Variants in DSCAM observed in about 807,000 individuals in gnomAD.
The protein encoded by DSCAM is DS cell adhesion molecule, also known as cell adhesion molecule DSCAM.
A neutral mutation model predicts 217.7 loss-of-function variants in DSCAM; 47 were observed. The ratio of observed to expected loss-of-function variants is 0.22; its 90% confidence interval spans 0.17 to 0.28. The LOEUF is 0.28. Among genes scored for constraint, DSCAM ranks in the 10% least tolerant of loss-of-function variants. DSCAM has a pLI of 1.00. For missense variants in DSCAM, 2,080 were observed against 2,618.3 expected, an observed-to-expected ratio of 0.79 and a Z score of 4.49; for synonymous variants, 1,056 against 1,015.3, an observed-to-expected ratio of 1.04 and a Z score of -0.76.
chr21:40,407,809 C>T (rs550986956), intron 3 of DSCAM, among the ~76,000 whole-genome samples: 1 of 152,328 alleles, frequency 6.6e-6, no homozygotes, highest in South Asian at 2.1e-4. Context: ...GCTCTGCTTC[C>T]TGTCCCAAAA....
chr21:40,643,438 C>A (rs796929335), intron 3 of DSCAM, among the ~76,000 whole-genome samples: 13 of 152,310 alleles, frequency 8.5e-5, no homozygotes, highest in African/African-American at 3.1e-4. Flanking sequence ...CTCAGGAGGA[C>A]TTCAGAGCCT....
At chr21:40,629,353 A>C (rs1448496398) in intron 3 of DSCAM, among the ~76,000 whole-genome samples, 2 of 152,202 alleles carry the variant, frequency 1.3e-5, no homozygotes, top group Non-Finnish European at 2.9e-5. Flanking sequence ...TTTGAGTCTC[A>C]TAAAAATGTG....
rs1271357295 is a variant in DSCAM, at chr21:40,039,253, A to C, written c.5686+3118T>G. Among the ~76,000 whole-genome samples the C allele has an allele frequency of 3.3e-5, 5 of 152,138 alleles. No individual in the cohort carries two copies. The East Asian group carries it at 9.6e-4, about 29-fold the overall frequency. Reference sequence around the variant, plus strand: ...ACGTGTCAGAAAAAAATACCAATGTAGGTTTTTGAATATGTGAAGGAAAAA... The same window carrying C: ...ACGTGTCAGAAAAAAATACCAATGTCGGTTTTTGAATATGTGAAGGAAAAA... On this transcript the variant is annotated intron_variant, in intron 32 of 32. Coordinates refer to ENST00000400454, the MANE Select transcript of DSCAM (RefSeq NM_001389.5).
chr21:40,030,653 T>C (rs906365189), intron 32 of DSCAM, among the ~76,000 whole-genome samples: 4 of 152,166 alleles, frequency 2.6e-5, no homozygotes, highest in African/African-American at 7.2e-5. Flanking sequence ...CAACAAAGCC[T>C]CCACATACTG....
At chr21:40,137,401 G>A (rs903521244) in intron 18 of DSCAM, among the ~76,000 whole-genome samples, 2 of 152,044 alleles carry the variant, frequency 1.3e-5, no homozygotes, top group Non-Finnish European at 2.9e-5. Context: ...CTCATAGGCT[G>A]TGAAGGAAGG....
In DSCAM at chr21:40,782,613, T is replaced by C. The variant is rs1303932183; in HGVS notation, c.43+64006A>G. Reference sequence around the variant, plus strand: ...GGCATGGTGGCATGCACCTGTAGACTCAGCTACTCGGGAAGCTGAAGTGGA... The same window carrying C: ...GGCATGGTGGCATGCACCTGTAGACCCAGCTACTCGGGAAGCTGAAGTGGA... On this transcript the variant is annotated intron_variant, in intron 1 of 32. Transcript: ENST00000400454. Among the ~76,000 whole-genome samples the C allele has an allele frequency of 2.0e-5, 3 of 151,858 alleles. No homozygotes were observed. The East Asian group carries it at 5.9e-4, about 30-fold the overall frequency.
chr21:40,786,456 G>A (rs918550489), intron 1 of DSCAM, among the ~76,000 whole-genome samples: 20 of 152,198 alleles, frequency 1.3e-4, no homozygotes, highest in Admixed American at 1.1e-3. Flanking sequence ...AGCAGCACAC[G>A]GGAGCTTTTT....
At chr21:40,479,599 C>G (rs1206586087) in intron 3 of DSCAM, among the ~76,000 whole-genome samples, 11 of 152,130 alleles carry the variant, frequency 7.2e-5, no homozygotes, top group Admixed American at 7.2e-4. Context: ...GGGAACTTCC[C>G]TTTATAAAAC....
chr21:40,338,342 TG>T lies in DSCAM; in HGVS notation c.1541del (p.Thr514LysfsTer3). ...TGTATGTGTCCCGTCCTGCTATTGC[TG>T]TGATGTTTTTCATTGGTCGAATGCT... Reference protein sequence around the residue: ...PASIRPMKNITAIAGRDTYIH... With the variant: ...PASIRPMKNIXAIAGRDTYIH... On this transcript the variant is annotated frameshift_variant, in exon 8 of 33. Transcript: ENST00000400454. LOFTEE classifies it high-confidence loss of function. 6.2e-7 allele frequency: 1 copy of T among 1,614,046 alleles called. No homozygotes were observed. The highest frequency in any genetic ancestry group is 8.5e-7 in the Non-Finnish European group (1 of 1,179,866).
At chr21:40,568,712 A>C (rs1027330148) in intron 3 of DSCAM, among the ~76,000 whole-genome samples, 7 of 152,230 alleles carry the variant, frequency 4.6e-5, no homozygotes, top group Non-Finnish European at 5.9e-5. Flanking sequence ...AATAAATAAT[A>C]ATCTTACACT....
At chr21:40,430,027 A>AT (rs2075515467) in intron 3 of DSCAM, among the ~76,000 whole-genome samples, 1 of 152,220 alleles carries the variant, frequency 6.6e-6, no homozygotes, top group Admixed American at 6.5e-5. Flanking sequence ...AACAAAAAAT[A>AT]ATTTTTCCTA....
intron 1 of DSCAM, among the ~76,000 whole-genome samples, chr21:40,716,275 C>T (rs529478018): frequency 3.9e-4 from 59 of 152,266 alleles, no homozygotes; most frequent in African/African-American, 1.4e-3. Flanking sequence ...AGGGACCATC[C>T]ATCTGCCTAA....
intron 3 of DSCAM, among the ~76,000 whole-genome samples, chr21:40,676,579 A>T (rs918941354): frequency 1.3e-5 from 2 of 152,056 alleles, no homozygotes; most frequent in East Asian, 1.9e-4. Flanking sequence ...TTTAATTTTT[A>T]AAAATTTTTT....
intron 1 of DSCAM, among the ~76,000 whole-genome samples, chr21:40,750,774 T>G (rs548415654): frequency 5.5e-4 from 83 of 152,292 alleles, no homozygotes; most frequent in African/African-American, 2.0e-3. Context: ...CTGCTCAGGC[T>G]ACAGTCCTTG....
intron 10 of DSCAM, among the ~76,000 whole-genome samples, chr21:40,291,951 G>A (rs73904768): frequency 0.042 from 6,325 of 152,158 alleles, 441 homozygotes; most frequent in African/African-American, 0.14. Context: ...ACAAGGAGAT[G>A]GCCCTGAACT....
intron 20 of DSCAM, among the ~76,000 whole-genome samples, chr21:40,111,036 C>T (rs2089892724): frequency 6.6e-6 from 1 of 152,060 alleles, no homozygotes; most frequent in South Asian, 2.1e-4. Context: ...CAAGGCAGGC[C>T]AACATTCAAA....
intron 11 of DSCAM, among the ~76,000 whole-genome samples, chr21:40,228,472 G>A (rs562463023): frequency 6.6e-6 from 1 of 152,192 alleles, no homozygotes; most frequent in Non-Finnish European, 1.5e-5. Context: ...TTATCAGGGT[G>A]TATTTATTTT....
At chr21:40,733,401 C>T (rs185905456) in intron 1 of DSCAM, among the ~76,000 whole-genome samples, 151 of 152,260 alleles carry the variant, frequency 9.9e-4, no homozygotes, top group African/African-American at 3.5e-3. Flanking sequence ...GGTAATTTTG[C>T]CCTCCCTAGG....
intron 3 of DSCAM, among the ~76,000 whole-genome samples, chr21:40,670,240 G>A (rs2090256131): frequency 6.6e-6 from 1 of 152,060 alleles, no homozygotes; most frequent in Non-Finnish European, 1.5e-5. Context: ...TTGTTAACTC[G>A]GTACTTATTA....
Sources: gnomAD v4.1 joint callset for allele counts (sites outside exome capture counted in the v4.1 genomes callset) on GRCh38, gnomAD v4.1.1 for gene constraint, MANE v1.5 for transcripts, NCBI Gene and HGNC (gene_info 2026-07-23, HGNC 2026-07-21) for gene names.